Variants in ADAMTS17 observed in about 807,000 individuals in gnomAD.
ADAMTS17 encodes the protein A disintegrin and metalloproteinase with thrombospondin motifs 17.
ADAMTS17 carries 113 observed loss-of-function variants against 141.5 expected under a neutral mutation model. The observed-to-expected ratio is 0.80, with a 90% CI of 0.69 to 0.93. The LOEUF is 0.93. Ranked by LOEUF, ADAMTS17 falls within the 40% of genes least tolerant of loss-of-function variation. The probability of loss-of-function intolerance (pLI) is 0.00; values close to 1 mark genes in which losing one functional copy is unlikely to be tolerated. For synonymous variants in ADAMTS17, 768 were observed against 630.6 expected (o/e 1.22, Z -3.27); for missense variants, 1,659 against 1,517.9 (o/e 1.09, Z -1.54).
chr15:100,044,417 T>C (rs2031515298), intron 18 of ADAMTS17, among the ~76,000 whole-genome samples: 1 of 152,232 alleles, frequency 6.6e-6, no homozygotes, highest in Non-Finnish European at 1.5e-5. Flanking sequence ...AGTTCAGTAA[T>C]CTTTCATCAT....
chr15:100,147,926 C>A (rs973673656), intron 10 of ADAMTS17, among the ~76,000 whole-genome samples: 1 of 152,268 alleles, frequency 6.6e-6, no homozygotes, highest in South Asian at 2.1e-4. Context: ...CTGGTTCCTT[C>A]TGCGAGGCTG....
chr15:100,283,179 C>A (rs2044339532), intron 3 of ADAMTS17, among the ~76,000 whole-genome samples: 1 of 152,214 alleles, frequency 6.6e-6, no homozygotes, highest in African/African-American at 2.4e-5. Flanking sequence ...AAAATGAAGT[C>A]TTCTCAGCCC....
Position 99,976,050 on chromosome 15 carries a change from C to T in ADAMTS17, c.3122G>A (p.Arg1041His), listed in dbSNP as rs950899059. 3.0e-5 allele frequency: 46 copies of T among 1,549,870 alleles called. No homozygotes were observed. The highest frequency in any genetic ancestry group is 4.1e-5 in the African/African-American group (3 of 73,036). The change falls in exon 21 of 22, where the codon CGC becomes CAC. Residue 1041 changes from arginine (R) to histidine (H), a missense_variant. Arg to His is a conservative substitution (Grantham distance 29). Transcript: ENST00000268070. ...GGGCCAGTGAAGACACTCACCAAGG[C>T]GGGGGGAGGTGATGGTGTTGGCGTT... ...RINANTITSPRLAALTYKCTR... is the reference protein window; with the variant it reads ...RINANTITSPHLAALTYKCTR...
At chr15:100,002,647 T>C (rs1436967365) in intron 18 of ADAMTS17, among the ~76,000 whole-genome samples, 3 of 151,998 alleles carry the variant, frequency 2.0e-5, no homozygotes, top group Non-Finnish European at 4.4e-5. Flanking sequence ...TTCAAAAAGT[T>C]TTGTAGATTT....
At position 100,227,715 on chromosome 15, in the gene ADAMTS17, G is replaced by T. The variant is rs1354035170; in HGVS notation, c.1075+26421C>A. Among the ~76,000 whole-genome samples, 64 of 152,206 alleles carry T rather than the reference G, an allele frequency of 4.2e-4. 2 individuals are homozygous for T. Among genetic ancestry groups the T allele is most frequent in the Admixed American group, 4.2e-3 (64 of 15,280 alleles). Reference sequence around the variant, plus strand: ...TCTCTGAGGCTGCCAGCAGGCCTTTGCTTAGATTTCCCTGGGCTACGTGGG... The same window carrying T: ...TCTCTGAGGCTGCCAGCAGGCCTTTTCTTAGATTTCCCTGGGCTACGTGGG... On this transcript the variant is annotated intron_variant, in intron 7 of 21. Coordinates refer to ENST00000268070, the MANE Select transcript of ADAMTS17 (RefSeq NM_139057.4).
Position 99,989,177 on chromosome 15 carries a change from G to A in ADAMTS17, c.2949+3871C>T, listed in dbSNP as rs555042330. ...TGGGCGAGTCACGGAACTGCTCTGA[G>A]CCTCTGTTCCCTCTTCTGTGCAGCA... On this transcript the variant is annotated intron_variant, in intron 20 of 21. Transcript: ENST00000268070. Among the ~76,000 whole-genome samples, 7 of 152,316 alleles carry A rather than the reference G, an allele frequency of 4.6e-5. 1 individual carries two copies. Among genetic ancestry groups the A allele is most frequent in the South Asian group, 2.1e-4 (1 of 4,822 alleles).
At chr15:99,994,973 A>G (rs1418681225) in intron 19 of ADAMTS17, among the ~76,000 whole-genome samples, 1 of 152,204 alleles carries the variant, frequency 6.6e-6, no homozygotes, top group Non-Finnish European at 1.5e-5. Context: ...ACTGGCTGCA[A>G]TGTCCCCTGC....
At chr15:100,067,103 A>G (rs561658749) in intron 15 of ADAMTS17, among the ~76,000 whole-genome samples, 9 of 151,620 alleles carry the variant, frequency 5.9e-5, no homozygotes, top group Non-Finnish European at 1.2e-4. Flanking sequence ...CCCTTATGAT[A>G]TTGAGAAGGC....
chr15:100,030,591 T>A (rs1454570903), intron 18 of ADAMTS17, among the ~76,000 whole-genome samples: 1 of 152,156 alleles, frequency 6.6e-6, no homozygotes. Context: ...CCATGATCCT[T>A]TTTCCTTCCC....
At chr15:100,272,248 T>C (rs902087305) in intron 4 of ADAMTS17, among the ~76,000 whole-genome samples, 3 of 152,190 alleles carry the variant, frequency 2.0e-5, no homozygotes, top group African/African-American at 7.2e-5. Flanking sequence ...AAAAAGTCAT[T>C]GGGATTTTGA....
At chr15:100,329,906 G>A (rs1394756306) in intron 3 of ADAMTS17, among the ~76,000 whole-genome samples, 1 of 152,098 alleles carries the variant, frequency 6.6e-6, no homozygotes, top group Admixed American at 6.5e-5. Context: ...AATGTCACCG[G>A]GATACTAAAC....
At chr15:100,089,509 G>A (rs964164935) in intron 15 of ADAMTS17, among the ~76,000 whole-genome samples, 3 of 151,112 alleles carry the variant, frequency 2.0e-5, no homozygotes, top group South Asian at 2.1e-4. Flanking sequence ...TATAAATCAT[G>A]CTGCTATAAA....
chr15:100,167,679 T>G (rs1421402653), intron 8 of ADAMTS17, among the ~76,000 whole-genome samples: 2 of 152,190 alleles, frequency 1.3e-5, no homozygotes, highest in Non-Finnish European at 2.9e-5. Flanking sequence ...CTTCTCAGTT[T>G]CTAATGAATT....
chr15:100,201,532 C>T (rs1034408547), intron 7 of ADAMTS17, among the ~76,000 whole-genome samples: 7 of 152,208 alleles, frequency 4.6e-5, no homozygotes, highest in East Asian at 1.9e-4. Context: ...CTTCCTCATC[C>T]GCTCCAAAAG....
chr15:100,111,926 T>C (rs2036810908), intron 13 of ADAMTS17, among the ~76,000 whole-genome samples: 1 of 152,208 alleles, frequency 6.6e-6, no homozygotes, highest in Non-Finnish European at 1.5e-5. Context: ...TCTTTTTCCA[T>C]CATCGCAATT....
intron 2 of ADAMTS17, among the ~76,000 whole-genome samples, chr15:100,336,084 C>A (rs2046200193): frequency 1.3e-5 from 2 of 152,278 alleles, no homozygotes; most frequent in African/African-American, 4.8e-5. Flanking sequence ...TGCTTCACTT[C>A]ATCGTCCCAT....
intron 20 of ADAMTS17, among the ~76,000 whole-genome samples, chr15:99,981,668 GTGTA>G (rs1567638706): frequency 6.6e-6 from 1 of 152,198 alleles, no homozygotes. Context: ...ATATAGATGT[GTGTA>G]TACCTATGTA....
chr15:100,230,568 A>G (rs1027660566), intron 7 of ADAMTS17, among the ~76,000 whole-genome samples: 1 of 152,198 alleles, frequency 6.6e-6, no homozygotes, highest in East Asian at 1.9e-4. Flanking sequence ...AAGTTCCTGA[A>G]AAGTCTAATT....
Position 100,341,105 on chromosome 15 carries a change from C to G in ADAMTS17, c.384G>C (p.Ser128=), listed in dbSNP as rs1045737756. The G allele has an allele frequency of 4.0e-6, 6 of 1,505,722 alleles. No individual in the cohort carries two copies. The highest frequency in any genetic ancestry group is 3.5e-6 in the Non-Finnish European group (4 of 1,134,030). 93.3% of individuals were successfully genotyped at this position (1,505,722 alleles called of 1,614,324 possible). A position where few individuals can be genotyped will look rare whatever the true frequency, so the allele number is the denominator to read the frequency against. The change falls in exon 2 of 22, where the codon TCG becomes TCC. Residue 128 remains serine (S), a synonymous_variant. Transcript: ENST00000268070. ...AGCCGGGGTGGCCGAGCACACGGCCCGAGTAGAAGCACAGCTCGGCGGGGC... is the reference window on the plus strand; with the variant it reads ...AGCCGGGGTGGCCGAGCACACGGCCGGAGTAGAAGCACAGCTCGGCGGGGC... ...RGRPAELCFY[S]GRVLGHPGSL...
Sources: gnomAD v4.1 joint callset for allele counts (sites outside exome capture counted in the v4.1 genomes callset) on GRCh38, gnomAD v4.1.1 for gene constraint, MANE v1.5 for transcripts, NCBI Gene and HGNC (gene_info 2026-07-23, HGNC 2026-07-21) for gene names.